SEMA4D: variants seen among roughly 807,000 people sequenced by gnomAD.
SEMA4D encodes the protein semaphorin-4D.
SEMA4D carries 22 observed loss-of-function variants against 74.8 expected under a neutral mutation model. The ratio of observed to expected loss-of-function variants is 0.29; its 90% CI spans 0.21 to 0.42. The LOEUF is 0.42. SEMA4D is among the 10% of genes least tolerant of loss of function. The probability of loss-of-function intolerance (pLI) is 1.00; values close to 1 mark genes in which losing one functional copy is unlikely to be tolerated. For synonymous variants in SEMA4D, 445 were observed against 463.7 expected, an observed-to-expected ratio of 0.96 and a Z score of 0.52; for missense variants, 937 against 1,118.4, an observed-to-expected ratio of 0.84 and a Z score of 2.31.
chr9:89,390,364 GC>G (rs869044433), intron 9 of SEMA4D, among the ~76,000 whole-genome samples: 60,086 of 151,800 alleles, frequency 0.4, 12,166 homozygotes, highest in African/African-American at 0.45. Flanking sequence ...AGCCACGGCT[GC>G]GGGGCTGCGG....
At chr9:89,383,771 A>G (rs1837744130) in intron 13 of SEMA4D, among the ~76,000 whole-genome samples, 1 of 152,106 alleles carries the variant, frequency 6.6e-6, no homozygotes, top group Admixed American at 6.5e-5. Context: ...TCAAGACAAA[A>G]TTTTTAAAGG....
intron 4 of SEMA4D, among the ~76,000 whole-genome samples, chr9:89,401,624 A>G (rs1842235045): frequency 6.6e-6 from 1 of 152,214 alleles, no homozygotes. Context: ...AGAAGAGCAA[A>G]TATCTTTAAA....
At chr9:89,429,612 C>T (rs747526541) in intron 2 of SEMA4D, among the ~76,000 whole-genome samples, 1 of 152,164 alleles carries the variant, frequency 6.6e-6, no homozygotes, top group Non-Finnish European at 1.5e-5. Context: ...TTAACAGAAT[C>T]TCAAGTTCAT....
chr9:89,394,415 C>T (rs559480478), intron 6 of SEMA4D, among the ~76,000 whole-genome samples: 13 of 152,308 alleles, frequency 8.5e-5, no homozygotes, highest in Non-Finnish European at 1.6e-4. Context: ...TGTGGACAAA[C>T]GAGTGAGAAA....
intron 1 of SEMA4D, among the ~76,000 whole-genome samples, chr9:89,474,515 A>G (rs753298791): frequency 9.2e-5 from 14 of 152,236 alleles, no homozygotes; most frequent in Non-Finnish European, 1.8e-4. Context: ...TTTTCTCTGT[A>G]TGACCAGAAG....
intron 1 of SEMA4D, among the ~76,000 whole-genome samples, chr9:89,468,050 C>T (rs773785809): frequency 1.3e-5 from 2 of 152,166 alleles, no homozygotes; most frequent in Non-Finnish European, 2.9e-5. Flanking sequence ...CGAGAAGACA[C>T]CGAAAGACTA....
chr9:89,491,639 G>A (rs915732024), intron 1 of SEMA4D, among the ~76,000 whole-genome samples: 1 of 152,108 alleles, frequency 6.6e-6, no homozygotes, highest in Non-Finnish European at 1.5e-5. Context: ...CAGATGCCAG[G>A]GAGACTCTGC....
intron 1 of SEMA4D, among the ~76,000 whole-genome samples, chr9:89,481,892 G>A (rs534871738): frequency 6.6e-6 from 1 of 152,376 alleles, no homozygotes; most frequent in East Asian, 1.9e-4. Flanking sequence ...GGCTAGGTGT[G>A]CTTCACAGTA....
At chr9:89,463,965 C>T (rs1858006368) in intron 1 of SEMA4D, among the ~76,000 whole-genome samples, 1 of 151,518 alleles carries the variant, frequency 6.6e-6, no homozygotes, top group South Asian at 2.1e-4. Flanking sequence ...CAAATCGTGC[C>T]AACTAGAGCC....
intron 1 of SEMA4D, among the ~76,000 whole-genome samples, chr9:89,485,393 C>T (rs1023704418): frequency 6.6e-6 from 1 of 152,220 alleles, no homozygotes; most frequent in Non-Finnish European, 1.5e-5. Context: ...CTGAGAAACA[C>T]CCTTTTCAAT....
chr9:89,467,531 A>ATT (rs35017295), intron 1 of SEMA4D, among the ~76,000 whole-genome samples: 82 of 128,392 alleles, frequency 6.4e-4, no homozygotes, highest in South Asian at 1.0e-3. Context: ...GGAGCGCATG[A>ATT]TTTTTTTTTT....
At chr9:89,379,768 A>G in intron 15 of SEMA4D, 139 bp from the exon 16 acceptor site, 1 of 1,067,984 alleles carries the variant, frequency 9.4e-7, no homozygotes. Flanking sequence ...CTAAGGAGAT[A>G]AAGACATGCG....
At chr9:89,451,142 C>G (rs1394039705) in intron 2 of SEMA4D, among the ~76,000 whole-genome samples, 1 of 152,116 alleles carries the variant, frequency 6.6e-6, no homozygotes, top group Admixed American at 6.5e-5. Context: ...TTTTTTTATA[C>G]CATTCTGATG....
At chr9:89,482,179 C>T (rs1001135310) in intron 1 of SEMA4D, among the ~76,000 whole-genome samples, 2 of 152,192 alleles carry the variant, frequency 1.3e-5, no homozygotes, top group Non-Finnish European at 2.9e-5. Flanking sequence ...TTGCAATGTC[C>T]ACCATCCACT....
intron 3 of SEMA4D, among the ~76,000 whole-genome samples, chr9:89,403,984 T>G (rs1842726651): frequency 6.6e-6 from 1 of 152,186 alleles, no homozygotes; most frequent in Non-Finnish European, 1.5e-5. Context: ...TTTTCCCATG[T>G]GGAAGAGAGA....
intron 1 of SEMA4D, among the ~76,000 whole-genome samples, chr9:89,495,758 G>C (rs918820105): frequency 4.6e-5 from 7 of 152,118 alleles, no homozygotes; most frequent in Non-Finnish European, 1.0e-4. Flanking sequence ...TCTGGCTCCA[G>C]GGGTCAGGAG....
In SEMA4D at chr9:89,388,704, T is replaced by C; in HGVS notation, c.1039A>G (p.Thr347Ala). Residue 347 changes from threonine to alanine, a missense_variant, in exon 11 of 16, where the codon ACA becomes GCA. Physicochemically the swap from Thr to Ala is moderately conservative, Grantham distance 58 (BLOSUM62 0). Coordinates refer to ENST00000422704, the MANE Select transcript of SEMA4D (RefSeq NM_001371194.2). The stretch of plus-strand genomic sequence containing the variant: ...CACTTGGTGTGGGACTGCTCCACTG[T>C]GGTGCTCTGCATGTACTTCCCGTGG... Reference protein sequence around the residue: ...FSHGKYMQSTTVEQSHTKWVR... With the variant: ...FSHGKYMQSTAVEQSHTKWVR... 1 of 1,610,240 alleles carries C rather than the reference T, an allele frequency of 6.2e-7. No individual in the cohort carries two copies. Among genetic ancestry groups the C allele is most frequent in the Non-Finnish European group, 8.5e-7 (1 of 1,179,322 alleles).
intron 16 of SEMA4D, among the ~76,000 whole-genome samples, chr9:89,371,701 GGGATGTGTC>G (rs1392912681): frequency 2.1e-5 from 2 of 95,372 alleles, no homozygotes; most frequent in Non-Finnish European, 2.1e-5. Flanking sequence ...TGATGTGTGT[GGGATGTGTC>G]TGGGGTGTGG....
downstream of SEMA4D, chr9:89,377,071 G>T: frequency 6.6e-7 from 1 of 1,519,960 alleles, no homozygotes; most frequent in Non-Finnish European, 8.9e-7. Flanking sequence ...AGAGAGGACA[G>T]AAAAGAGAGG....
Sources: allele counts gnomAD v4.1 joint callset (sites outside exome capture counted in the v4.1 genomes callset), GRCh38; gene constraint gnomAD v4.1.1; transcripts MANE v1.5; gene names NCBI Gene and HGNC (gene_info 2026-07-23, HGNC 2026-07-21).